AKAP6: variants seen among roughly 807,000 people sequenced by gnomAD.
The protein encoded by AKAP6 is A-kinase anchor protein 6.
Under a neutral mutation model 188.5 loss-of-function variants are expected in AKAP6, and 58 were observed. That is an observed-to-expected ratio of 0.31 (90% CI 0.25 to 0.38). The LOEUF is 0.38. Ranked by LOEUF, AKAP6 falls within the 10% of genes least tolerant of loss-of-function variation. The pLI, the probability that AKAP6 is intolerant of heterozygous loss-of-function variation, is 1.00. For synonymous variants in AKAP6, 989 were observed against 998.6 expected (o/e 0.99, Z 0.18); for missense variants, 2,710 against 2,740.0 (o/e 0.99, Z 0.24).
At chr14:32,514,610 C>G (rs538648093) in intron 2 of AKAP6, among the ~76,000 whole-genome samples, 1 of 152,110 alleles carries the variant, frequency 6.6e-6, no homozygotes, top group Non-Finnish European at 1.5e-5. Context: ...TACCTTGAAA[C>G]GCTCCAGAAT....
At chr14:32,466,604 T>C (rs1233729092) in intron 2 of AKAP6, among the ~76,000 whole-genome samples, 8 of 151,306 alleles carry the variant, frequency 5.3e-5, no homozygotes, top group Admixed American at 5.3e-4. Context: ...AGGGAGAGCA[T>C]TAGGACCAAT....
intron 1 of AKAP6, among the ~76,000 whole-genome samples, chr14:32,342,014 A>AAAAT (rs1223892258): frequency 6.6e-6 from 1 of 152,166 alleles, no homozygotes; most frequent in Non-Finnish European, 1.5e-5. Flanking sequence ...CCTGTCTCTG[A>AAAAT]AAATAAATAC....
intron 5 of AKAP6, among the ~76,000 whole-genome samples, chr14:32,598,048 C>T (rs960691678): frequency 6.6e-6 from 1 of 152,150 alleles, no homozygotes; most frequent in Non-Finnish European, 1.5e-5. Context: ...CCCTAAATCT[C>T]TATTGCCCAG....
intron 2 of AKAP6, among the ~76,000 whole-genome samples, chr14:32,438,239 C>T (rs1890452649): frequency 6.6e-6 from 1 of 152,210 alleles, no homozygotes; most frequent in African/African-American, 2.4e-5. Context: ...TCTGGGGGAT[C>T]TTGTCTGGGG....
At position 32,475,440 on chromosome 14, in the gene AKAP6, T is replaced by C. The variant is rs79378860; in HGVS notation, c.324+41623T>C. On this transcript the variant is annotated intron_variant, in intron 2 of 13. Coordinates refer to ENST00000280979, the MANE Select transcript of AKAP6 (RefSeq NM_004274.5). ...AGTGAATGTTAGTTTTTGTTGTGGG[T>C]TCTTATTTTAAAGGTGATATTTTGG... 2.6e-3 allele frequency among the ~76,000 whole-genome samples: 390 copies of C among 152,286 alleles called. 6 individuals are homozygous for C. Among genetic ancestry groups the C allele is most frequent in the African/African-American group, 7.8e-3 (326 of 41,562 alleles).
At chr14:32,639,294 T>A (rs886901266) in intron 7 of AKAP6, among the ~76,000 whole-genome samples, 1 of 152,134 alleles carries the variant, frequency 6.6e-6, no homozygotes, top group African/African-American at 2.4e-5. Flanking sequence ...AGATATTTGT[T>A]CTCAGAGAAT....
chr14:32,720,511 G>A (rs1028539742), intron 9 of AKAP6, among the ~76,000 whole-genome samples: 1 of 152,168 alleles, frequency 6.6e-6, no homozygotes, highest in South Asian at 2.1e-4. Flanking sequence ...TGTGTTTGAA[G>A]TTTGCATAAT....
Position 32,830,565 on chromosome 14 carries a change from T to C in AKAP6, c.*760T>C, listed in dbSNP as rs777186636. 3 of 152,646 alleles carry C rather than the reference T, an allele frequency of 2.0e-5. No homozygotes were observed. The highest frequency in any genetic ancestry group is 4.4e-5 in the Non-Finnish European group (3 of 68,034). 9.5% of individuals were successfully genotyped at this position (152,646 alleles called of 1,614,324 possible). A position where few individuals can be genotyped will look rare whatever the true frequency, so the allele number is the denominator to read the frequency against. ...AAAGTGTGCCTTGCTGTATTTCTTA[T>C]ACCATTTATTAAAAAGCTGCTTTCA... On this transcript the variant is annotated 3_prime_UTR_variant, in exon 14 of 14. Coordinates refer to ENST00000280979, the MANE Select transcript of AKAP6 (RefSeq NM_004274.5).
intron 1 of AKAP6, among the ~76,000 whole-genome samples, chr14:32,343,833 G>A (rs1401838491): frequency 6.7e-6 from 1 of 149,922 alleles, no homozygotes; most frequent in Admixed American, 6.6e-5. Context: ...ATCTCTGCTT[G>A]GCCCATGCTT....
chr14:32,807,040 C>T (rs898680803), intron 12 of AKAP6, among the ~76,000 whole-genome samples: 4 of 148,940 alleles, frequency 2.7e-5, no homozygotes, highest in South Asian at 2.2e-4. Flanking sequence ...GGTGACAGAG[C>T]GAGACTCCAT....
At chr14:32,776,338 A>G (rs1376216821) in intron 12 of AKAP6, among the ~76,000 whole-genome samples, 1 of 152,078 alleles carries the variant, frequency 6.6e-6, no homozygotes, top group Non-Finnish European at 1.5e-5. Flanking sequence ...GTCTCACTAG[A>G]TCTGATGGTT....
rs151156633 is a variant in AKAP6 at position 32,575,788 on chromosome 14, A to G, written c.2347-1332A>G. Among the ~76,000 whole-genome samples the G allele has an allele frequency of 3.5e-3, 540 of 152,252 alleles. 1 individual carries two copies. Among genetic ancestry groups the G allele is most frequent in the African/African-American group, 0.012 (483 of 41,548 alleles). On this transcript the variant is annotated intron_variant, in intron 4 of 13. Transcript: ENST00000280979. ...ATGAATATGGGAAACCATATGATGT[A>G]CCACTATGTGGGATGATAGACTGAG...
intron 2 of AKAP6, among the ~76,000 whole-genome samples, chr14:32,463,402 C>G (rs1891419707): frequency 6.6e-6 from 1 of 152,206 alleles, no homozygotes; most frequent in South Asian, 2.1e-4. Context: ...CAAACAGTCT[C>G]TCAGACCACA....
At chr14:32,537,228 C>G (rs1024706255) in intron 3 of AKAP6, among the ~76,000 whole-genome samples, 4 of 152,214 alleles carry the variant, frequency 2.6e-5, no homozygotes, top group African/African-American at 9.6e-5. Context: ...ACTAGGCTTA[C>G]CTCTAACTTT....
At chr14:32,602,104 A>T (rs1594775188) in intron 7 of AKAP6, among the ~76,000 whole-genome samples, 1 of 152,298 alleles carries the variant, frequency 6.6e-6, no homozygotes, top group African/African-American at 2.4e-5. Context: ...TGTAGAGTGG[A>T]GACTGTATTC....
chr14:32,649,444 A>G (rs1230350466), intron 7 of AKAP6, among the ~76,000 whole-genome samples: 2 of 152,148 alleles, frequency 1.3e-5, no homozygotes, highest in Non-Finnish European at 2.9e-5. Flanking sequence ...GCATGTTAAA[A>G]CTTATTTTAC....
intron 8 of AKAP6, among the ~76,000 whole-genome samples, chr14:32,681,067 A>G (rs774653674): frequency 2.0e-5 from 3 of 152,186 alleles, no homozygotes; most frequent in Non-Finnish European, 4.4e-5. Context: ...ATTTAGGTGA[A>G]AGCACTTATC....
At chr14:32,417,556 A>G (rs1889698608) in intron 1 of AKAP6, among the ~76,000 whole-genome samples, 1 of 152,146 alleles carries the variant, frequency 6.6e-6, no homozygotes, top group East Asian at 1.9e-4. Context: ...GGGACAAAAA[A>G]TGTTGACTTG....
intron 7 of AKAP6, among the ~76,000 whole-genome samples, chr14:32,636,335 G>A (rs535153452): frequency 5.3e-5 from 8 of 152,010 alleles, no homozygotes; most frequent in Non-Finnish European, 8.8e-5. Context: ...TTGTTGTACC[G>A]GAAAATTACT....
Sources: gnomAD v4.1 joint callset for allele counts (sites outside exome capture counted in the v4.1 genomes callset) on GRCh38, gnomAD v4.1.1 for gene constraint, MANE v1.5 for transcripts, NCBI Gene and HGNC (gene_info 2026-07-23, HGNC 2026-07-21) for gene names.